The following PPP2R2B variants were observed in gnomAD, a reference collection of about 807,000 sequenced individuals.
PPP2R2B encodes serine/threonine-protein phosphatase 2A 55 kDa regulatory subunit B beta isoform.
PPP2R2B carries 5 observed loss-of-function variants against 46.0 expected under a neutral mutation model. The observed-to-expected ratio is 0.11, with a 90% CI of 0.06 to 0.23. The LOEUF (loss-of-function observed/expected upper bound fraction) is 0.23, where lower values mean the gene tolerates loss of function less well. PPP2R2B is among the 10% of genes least tolerant of loss of function. PPP2R2B has a pLI of 1.00. For synonymous variants in PPP2R2B, 215 were observed against 206.7 expected (o/e 1.04, Z -0.34); for missense variants, 367 against 575.0 (o/e 0.64, Z 3.70).
intron 1 of PPP2R2B, among the ~76,000 whole-genome samples, chr5:146,945,669 C>T (rs1360195931): frequency 1.3e-5 from 2 of 152,070 alleles, no homozygotes; most frequent in East Asian, 1.9e-4. Context: ...AATTTGTTTT[C>T]CTAAAGTTTA....
intron 2 of PPP2R2B, among the ~76,000 whole-genome samples, chr5:146,876,712 G>A (rs904405749): frequency 1.3e-5 from 2 of 152,326 alleles, no homozygotes; most frequent in Admixed American, 6.5e-5. Flanking sequence ...TGCTTTATCT[G>A]TCTAGCACCA....
At chr5:147,073,958 C>A (rs548748683) in intron 2 of PPP2R2B, among the ~76,000 whole-genome samples, 3 of 151,944 alleles carry the variant, frequency 2.0e-5, no homozygotes, top group East Asian at 3.9e-4. Flanking sequence ...ACTGCTTGAA[C>A]CTGGGAGATG....
intron 2 of PPP2R2B, among the ~76,000 whole-genome samples, chr5:146,716,138 G>C (rs1780484998): frequency 6.7e-6 from 1 of 148,942 alleles, no homozygotes; most frequent in Non-Finnish European, 1.5e-5. Flanking sequence ...GCATCTAGTA[G>C]GTTTGCAAAA....
chr5:146,845,117 C>T (rs941884089), intron 2 of PPP2R2B, among the ~76,000 whole-genome samples: 8 of 152,090 alleles, frequency 5.3e-5, no homozygotes, highest in South Asian at 4.1e-4. Context: ...CTTGGACATG[C>T]TGTTTCTTCT....
chr5:146,766,958 G>A (rs1282754738), intron 2 of PPP2R2B, among the ~76,000 whole-genome samples: 1 of 149,278 alleles, frequency 6.7e-6, no homozygotes, highest in Non-Finnish European at 1.5e-5. Flanking sequence ...GGAGGCTGAG[G>A]CAGGAGAATC....
At chr5:147,004,215 G>T (rs531781403) in intron 1 of PPP2R2B, among the ~76,000 whole-genome samples, 4 of 152,254 alleles carry the variant, frequency 2.6e-5, no homozygotes, top group Admixed American at 2.0e-4. Context: ...ACTGTCCAAT[G>T]AGAAACAAGC....
At chr5:146,640,242 T>C (rs1775106577) in intron 6 of PPP2R2B, among the ~76,000 whole-genome samples, 1 of 152,262 alleles carries the variant, frequency 6.6e-6, no homozygotes, top group South Asian at 2.1e-4. Context: ...GGCATGAGAC[T>C]GAGCTAACAG....
intron 2 of PPP2R2B, among the ~76,000 whole-genome samples, chr5:147,077,283 C>T (rs1337438651): frequency 2.3e-4 from 32 of 141,638 alleles, no homozygotes; most frequent in South Asian, 2.5e-4. Context: ...TATACACACA[C>T]ACACACACAC....
intron 2 of PPP2R2B, among the ~76,000 whole-genome samples, chr5:146,722,945 C>T (rs763847257): frequency 1.3e-5 from 2 of 152,094 alleles, no homozygotes; most frequent in South Asian, 2.1e-4. Context: ...CCTCTTTGGG[C>T]CTTTGTATGT....
chr5:146,668,788 T>C (rs1777166177), intron 5 of PPP2R2B, among the ~76,000 whole-genome samples: 1 of 152,212 alleles, frequency 6.6e-6, no homozygotes, highest in Non-Finnish European at 1.5e-5. Context: ...GTTTTCAAGG[T>C]TGTCATCCAT....
intron 1 of PPP2R2B, among the ~76,000 whole-genome samples, chr5:146,907,763 C>T (rs547254390): frequency 1.3e-5 from 2 of 152,206 alleles, no homozygotes; most frequent in Non-Finnish European, 2.9e-5. Context: ...TCCTACACTA[C>T]TTTACTGTTT....
At chr5:146,801,430 T>C (rs1234399494) in intron 2 of PPP2R2B, among the ~76,000 whole-genome samples, 1 of 152,198 alleles carries the variant, frequency 6.6e-6, no homozygotes, top group African/African-American at 2.4e-5. Flanking sequence ...TCAAGTTGTA[T>C]ACCTTAAATA....
At chr5:147,048,308 G>GATCT (rs1756634124) in intron 1 of PPP2R2B, among the ~76,000 whole-genome samples, 1 of 152,170 alleles carries the variant, frequency 6.6e-6, no homozygotes, top group Non-Finnish European at 1.5e-5. Flanking sequence ...TGCATACCCT[G>GATCT]ATCTATCACA....
intron 1 of PPP2R2B, among the ~76,000 whole-genome samples, chr5:146,909,586 A>T (rs1323512179): frequency 1.3e-5 from 2 of 152,212 alleles, no homozygotes; most frequent in African/African-American, 4.8e-5. Flanking sequence ...AAGCCTTCCT[A>T]ATAATGGAAG....
intron 1 of PPP2R2B, chr5:147,035,329 G>A (rs765541477): frequency 5.1e-5 from 16 of 314,612 alleles, no homozygotes; most frequent in South Asian, 1.6e-4. Context: ...ACTCTATCAC[G>A]AGAACAGCAA....
chr5:146,707,641 G>A (rs910774774), intron 2 of PPP2R2B: 3 of 590,788 alleles, frequency 5.1e-6, no homozygotes, highest in East Asian at 5.6e-5. Flanking sequence ...ACCAGGCGGA[G>A]ATTCCAGAAG....
intron 2 of PPP2R2B, among the ~76,000 whole-genome samples, chr5:146,718,461 ATGT>A (rs1780617703): frequency 6.6e-6 from 1 of 152,114 alleles, no homozygotes; most frequent in Non-Finnish European, 1.5e-5. Context: ...ATATCCTCTA[ATGT>A]TGTTCTTACA....
At chr5:146,628,947 C>G (rs922769720) in intron 7 of PPP2R2B, among the ~76,000 whole-genome samples, 1 of 152,190 alleles carries the variant, frequency 6.6e-6, no homozygotes, top group Non-Finnish European at 1.5e-5. Flanking sequence ...GTAGCTCATA[C>G]TTGATCATCT....
intron 2 of PPP2R2B, among the ~76,000 whole-genome samples, chr5:146,817,939 T>C (rs1253207174): frequency 1.3e-5 from 2 of 152,216 alleles, no homozygotes; most frequent in African/African-American, 4.8e-5. Context: ...TCTGCACCAA[T>C]TCCTTTTCTC....
Sources: allele counts gnomAD v4.1 joint callset (sites outside exome capture counted in the v4.1 genomes callset), GRCh38; gene constraint gnomAD v4.1.1; transcripts MANE v1.5; gene names NCBI Gene and HGNC (gene_info 2026-07-23, HGNC 2026-07-21).